The following ALK variants were observed in gnomAD, a reference collection of about 807,000 sequenced individuals.
The protein encoded by ALK is ALK receptor tyrosine kinase, also known as ALK tyrosine kinase receptor.
A neutral mutation model predicts 163.1 loss-of-function variants in ALK; 74 were observed. The ratio of observed to expected loss-of-function variants is 0.45; its 90% confidence interval spans 0.38 to 0.55. The LOEUF (loss-of-function observed/expected upper bound fraction) is 0.55, where lower values mean the gene tolerates loss of function less well. Among genes scored for constraint, ALK ranks in the 20% least tolerant of loss-of-function variants. The probability of loss-of-function intolerance (pLI) is 0.00; values close to 1 mark genes in which losing one functional copy is unlikely to be tolerated. For missense variants in ALK, 2,063 were observed against 2,105.3 expected (o/e 0.98, Z 0.39); for synonymous variants, 960 against 843.2 (o/e 1.14, Z -2.40).
At chr2:29,632,657 A>G (rs886378588) in intron 3 of ALK, among the ~76,000 whole-genome samples, 5 of 152,130 alleles carry the variant, frequency 3.3e-5, no homozygotes, top group Non-Finnish European at 7.4e-5. Flanking sequence ...CCACTGTATT[A>G]GTCCATTTTC....
Position 29,296,876 on chromosome 2 carries a change from C to A in ALK, c.1817+12G>T. 4 of 1,614,090 alleles carry A rather than the reference C, an allele frequency of 2.5e-6. No homozygotes were observed. The highest frequency in any genetic ancestry group is 4.5e-5 in the East Asian group (2 of 44,858). On this transcript the variant is annotated intron_variant, in intron 9 of 28. Coordinates refer to ENST00000389048, the MANE Select transcript of ALK (RefSeq NM_004304.5). ...GAGGAGAAGGGTATTGGGGGAGATG[C>A]ATAGAGCCTACCTGTCAGACACATC...
chr2:29,383,925 G>A, intron 4 of ALK, 66 bp from the exon 5 acceptor site: 2 of 1,601,484 alleles, frequency 1.2e-6, no homozygotes, highest in Admixed American at 3.3e-5. Context: ...GGCCTAACAT[G>A]TGGACAGGGT....
intron 2 of ALK, among the ~76,000 whole-genome samples, chr2:29,711,273 A>T (rs1428728228): frequency 6.6e-6 from 1 of 152,148 alleles, no homozygotes; most frequent in Non-Finnish European, 1.5e-5. Flanking sequence ...ACCTTTGCAC[A>T]TGCATCCCTT....
intron 1 of ALK, among the ~76,000 whole-genome samples, chr2:29,881,628 G>T (rs1666872267): frequency 6.6e-6 from 1 of 152,054 alleles, no homozygotes. Flanking sequence ...AAAGTAATGA[G>T]GTAGAACTGG....
At chr2:29,456,821 C>T (rs888520722) in intron 4 of ALK, among the ~76,000 whole-genome samples, 2 of 152,126 alleles carry the variant, frequency 1.3e-5, no homozygotes, top group African/African-American at 4.8e-5. Flanking sequence ...TAGAATAATG[C>T]TCCATCTCCT....
chr2:29,657,262 T>G (rs2879501), intron 3 of ALK, among the ~76,000 whole-genome samples: 120,737 of 152,068 alleles, frequency 0.79, 48,513 homozygotes, highest in African/African-American at 0.92. Flanking sequence ...AGGCAGCTGT[T>G]GTGGATTAGA....
At chr2:29,396,628 T>C (rs1337115619) in intron 4 of ALK, among the ~76,000 whole-genome samples, 2 of 152,020 alleles carry the variant, frequency 1.3e-5, no homozygotes, top group East Asian at 1.9e-4. Flanking sequence ...TGAGCTGAGA[T>C]TGTGCTACTG....
At chr2:29,478,808 G>T (rs781585373) in intron 4 of ALK, among the ~76,000 whole-genome samples, 1 of 152,178 alleles carries the variant, frequency 6.6e-6, no homozygotes, top group Non-Finnish European at 1.5e-5. Context: ...AAAGGTCAGG[G>T]AGAACAAGTG....
rs1665344950 is a variant in ALK, at chr2:29,830,712, T to TAAAAAAAA, written c.667+89280_667+89281insTTTTTTTT. 9.1e-4 allele frequency among the ~76,000 whole-genome samples: 58 copies of TAAAAAAAA among 63,518 alleles called. 14 individuals are homozygous for TAAAAAAAA. The highest frequency in any genetic ancestry group is 2.9e-3 in the African/African-American group (46 of 16,064). The allele number at this position is 63,518 out of a possible 152,430, so 41.7% of individuals were successfully genotyped here. A position where few individuals can be genotyped will look rare whatever the true frequency, so the allele number is the denominator to read the frequency against. On this transcript the variant is annotated intron_variant, in intron 1 of 28. Coordinates refer to ENST00000389048, the MANE Select transcript of ALK (RefSeq NM_004304.5). Reference sequence around the variant, plus strand: ...AGCAAGACCCTGTCTCTAAAATAGTTTAAAAAAAAAAAAAAAAAAAAAAAA... The same window carrying TAAAAAAAA: ...AGCAAGACCCTGTCTCTAAAATAGTTAAAAAAAATAAAAAAAAAAAAAAAAAAAAAAAA...
chr2:29,205,427 A>T (rs1041116810), intron 26 of ALK, among the ~76,000 whole-genome samples: 1 of 152,206 alleles, frequency 6.6e-6, no homozygotes, highest in African/African-American at 2.4e-5. Flanking sequence ...AAACCAACCA[A>T]CCAACCAAAC....
At chr2:29,453,427 G>C (rs942179605) in intron 4 of ALK, among the ~76,000 whole-genome samples, 2 of 151,888 alleles carry the variant, frequency 1.3e-5, no homozygotes, top group African/African-American at 4.8e-5. Context: ...GTAGAGACGA[G>C]TTCTCACTAT....
At chr2:29,772,741 T>G (rs565366206) in intron 1 of ALK, among the ~76,000 whole-genome samples, 18 of 152,336 alleles carry the variant, frequency 1.2e-4, no homozygotes, top group Admixed American at 3.9e-4. Context: ...ATACACTATT[T>G]GCTTTTTTAA....
chr2:29,328,076 C>G (rs1212949183), intron 6 of ALK, among the ~76,000 whole-genome samples: 1 of 152,162 alleles, frequency 6.6e-6, no homozygotes, highest in Non-Finnish European at 1.5e-5. Flanking sequence ...TGGGCTTTAT[C>G]CTGCACATTT....
chr2:29,346,295 G>A (rs1255244387), intron 5 of ALK, among the ~76,000 whole-genome samples: 1 of 152,078 alleles, frequency 6.6e-6, no homozygotes, highest in Non-Finnish European at 1.5e-5. Flanking sequence ...TTTTCAGAGG[G>A]GAAAAAAAGA....
chr2:29,630,490 A>G (rs972229209), intron 3 of ALK, among the ~76,000 whole-genome samples: 13 of 152,150 alleles, frequency 8.5e-5, no homozygotes, highest in African/African-American at 3.1e-4. Flanking sequence ...ATAAATGAGA[A>G]GAAAATGTTA....
intron 1 of ALK, among the ~76,000 whole-genome samples, chr2:29,798,112 C>A (rs566685364): frequency 8.2e-4 from 125 of 152,326 alleles, no homozygotes; most frequent in Non-Finnish European, 1.5e-3. Context: ...AGATTCCTCA[C>A]ACCTGCCAGT....
At chr2:29,870,054 C>T (rs1430723681) in intron 1 of ALK, among the ~76,000 whole-genome samples, 1 of 152,080 alleles carries the variant, frequency 6.6e-6, no homozygotes, top group African/African-American at 2.4e-5. Flanking sequence ...TAGTCTCATA[C>T]ATTGCTGGTA....
chr2:29,725,827 A>G (rs1306596437), intron 1 of ALK, among the ~76,000 whole-genome samples: 2 of 152,182 alleles, frequency 1.3e-5, no homozygotes, highest in Non-Finnish European at 2.9e-5. Flanking sequence ...CCAAAGTCCT[A>G]TAACGAAGGC....
intron 1 of ALK, among the ~76,000 whole-genome samples, chr2:29,732,401 G>C (rs1221989129): frequency 6.6e-6 from 1 of 152,156 alleles, no homozygotes; most frequent in African/African-American, 2.4e-5. Context: ...AAGAACTATT[G>C]TCACAAACTC....
Sources: gnomAD v4.1 joint callset for allele counts (sites outside exome capture counted in the v4.1 genomes callset) on GRCh38, gnomAD v4.1.1 for gene constraint, MANE v1.5 for transcripts, NCBI Gene and HGNC (gene_info 2026-07-23, HGNC 2026-07-21) for gene names.